The following ITGB1 variants were observed in gnomAD, a reference collection of about 807,000 sequenced individuals.
ITGB1 encodes integrin beta-1.
In ITGB1, 24 loss-of-function variants were observed where a neutral mutation model predicts 86.5. The observed-to-expected ratio is 0.28, with a 90% confidence interval of 0.20 to 0.39. The LOEUF (loss-of-function observed/expected upper bound fraction) is 0.39, where lower values mean the gene tolerates loss of function less well. ITGB1 is among the 10% of genes least tolerant of loss of function. ITGB1 has a pLI of 1.00. For missense variants in ITGB1, 556 were observed against 946.9 expected (o/e 0.59, Z 5.42); for synonymous variants, 323 against 316.8 (o/e 1.02, Z -0.21).
At chr10:32,903,618 C>T (rs2094888451) in intron 15 of ITGB1, among the ~76,000 whole-genome samples, 1 of 152,144 alleles carries the variant, frequency 6.6e-6, no homozygotes, top group Admixed American at 6.5e-5. Flanking sequence ...TCACTCCCCT[C>T]TCCTCAAAAT....
intron 5 of ITGB1, among the ~76,000 whole-genome samples, chr10:32,927,552 G>A (rs2094968880): frequency 6.6e-6 from 1 of 152,210 alleles, no homozygotes; most frequent in Non-Finnish European, 1.5e-5. Context: ...AATACTCTGG[G>A]AGGCCAAGGC....
chr10:32,942,118 C>A (rs993517392), intron 1 of ITGB1, among the ~76,000 whole-genome samples: 5 of 151,974 alleles, frequency 3.3e-5, no homozygotes, highest in Non-Finnish European at 4.4e-5. Context: ...GGTGAAGACA[C>A]AGGAAAAGAG....
chr10:32,920,686 G>C (rs1473825980), intron 9 of ITGB1, among the ~76,000 whole-genome samples: 1 of 151,888 alleles, frequency 6.6e-6, no homozygotes, highest in East Asian at 1.9e-4. Flanking sequence ...TAAAAATGTG[G>C]AATAGGCCGG....
At chr10:32,919,802 T>G in intron 11 of ITGB1, 83 bp downstream of exon 11, 1 of 1,202,140 alleles carries the variant, frequency 8.3e-7, no homozygotes, top group Non-Finnish European at 1.2e-6. Context: ...TAGAGAGATA[T>G]TCTCTGGATG....
chr10:32,953,545 C>T (rs200939523), intron 1 of ITGB1: 1 of 144,512 alleles, frequency 6.9e-6, no homozygotes, highest in African/African-American at 2.6e-5. Flanking sequence ...TCTGGTGATA[C>T]AAAAAAAAAA....
intron 5 of ITGB1, among the ~76,000 whole-genome samples, chr10:32,927,735 AG>A (rs2094969910): frequency 1.3e-5 from 2 of 151,942 alleles, no homozygotes; most frequent in South Asian, 4.2e-4. Context: ...CGGAGGTTGC[AG>A]TGAGCCGAGA....
chr10:32,912,166 T>C, intron 11 of ITGB1, 42 bp from the exon 12 acceptor site: 1 of 1,544,206 alleles, frequency 6.5e-7, no homozygotes, highest in Non-Finnish European at 8.9e-7. Context: ...AAAACAAAAA[T>C]AATTTAAGAG....
At chr10:32,956,412 T>C (rs1742958) in intron 1 of ITGB1, among the ~76,000 whole-genome samples, 2 of 150,476 alleles carry the variant, frequency 1.3e-5, no homozygotes, top group Admixed American at 6.6e-5. Context: ...AAAAAAAAAA[T>C]AAAAAAACCT....
Position 32,922,742 on chromosome 10 carries a change from A to ATGGCTCATTGTGTACAT in ITGB1, c.943-8_943-7insATGTACACAATGAGCCA. ...GAGCAATAGAAGGATAATCCTAAGA[A>ATGGCTCATTGTGTACAT]ATCAAGTAATATAATTTAGTATTTA... On this transcript the variant is annotated splice_region_variant and splice_polypyrimidine_tract_variant and intron_variant, in intron 7 of 15. Transcript: ENST00000302278. 1 of 1,471,884 alleles carries ATGGCTCATTGTGTACAT rather than the reference A, an allele frequency of 6.8e-7. No homozygotes were observed. Among genetic ancestry groups the ATGGCTCATTGTGTACAT allele is most frequent in the Admixed American group, 1.7e-5 (1 of 57,380 alleles). 91.2% of individuals were successfully genotyped at this position (1,471,884 alleles called of 1,614,324 possible).
At chr10:32,949,588 T>C (rs2095038818) in intron 1 of ITGB1, among the ~76,000 whole-genome samples, 1 of 152,184 alleles carries the variant, frequency 6.6e-6, no homozygotes, top group Non-Finnish European at 1.5e-5. Context: ...TTTTACCATA[T>C]GAAATTTTAT....
At chr10:32,918,980 T>C (rs1043239291) in intron 11 of ITGB1, among the ~76,000 whole-genome samples, 1 of 152,210 alleles carries the variant, frequency 6.6e-6, no homozygotes, top group Non-Finnish European at 1.5e-5. Context: ...ATTCTGTATC[T>C]GGTAAAAATA....
Position 32,958,220 on chromosome 10 carries a change from C to T in ITGB1, c.-76G>A, listed in dbSNP as rs1384361907. 2 of 151,998 alleles carry T rather than the reference C, an allele frequency of 1.3e-5. No individual in the cohort carries two copies. Among genetic ancestry groups the T allele is most frequent in the African/African-American group, 4.8e-5 (2 of 41,342 alleles). 9.4% of individuals were successfully genotyped at this position (151,998 alleles called of 1,614,324 possible). The stretch of plus-strand genomic sequence containing the variant: ...TCCGCGACTCCCGCTGGGCCTCTCC[C>T]GCGGGCTGGCGGGGCCTCCCGGGTG... On this transcript the variant is annotated 5_prime_UTR_variant, in exon 1 of 16. Coordinates refer to ENST00000302278, the MANE Select transcript of ITGB1 (RefSeq NM_002211.4).
chr10:32,914,880 C>T (rs1347156340), intron 11 of ITGB1, among the ~76,000 whole-genome samples: 1 of 152,116 alleles, frequency 6.6e-6, no homozygotes, highest in Non-Finnish European at 1.5e-5. Flanking sequence ...CAGCCCCACA[C>T]CGCACTTATT....
Position 32,908,397 on chromosome 10 carries a change from T to G in ITGB1, c.2302A>C (p.Lys768Gln), listed in dbSNP as rs1329951445. 6.2e-7 allele frequency: 1 copy of G among 1,614,092 alleles called. No homozygotes were observed. Among genetic ancestry groups the G allele is most frequent in the South Asian group, 1.1e-5 (1 of 91,084 alleles). ...HDRREFAKFEKEKMNAKWDTG... is the reference protein window; with the variant it reads ...HDRREFAKFEQEKMNAKWDTG... The stretch of plus-strand genomic sequence containing the variant: ...TCCCATTTGGCATTCATTTTCTCCT[T>G]TTCAAATTTAGCAAACTCCCTTCTG... The change falls in exon 15 of 16, where the codon AAG (lysine) becomes CAG (glutamine). Residue 768 changes from lysine to glutamine, a missense_variant. Lys to Gln is a moderately conservative substitution (Grantham distance 53, BLOSUM62 1). Around this residue, in one of 4 missense-constraint regions of ITGB1, gnomAD observed 18 missense variants for 75.2 expected, o/e 0.24. Coordinates refer to ENST00000302278, the MANE Select transcript of ITGB1 (RefSeq NM_002211.4).
chr10:32,929,986 T>A lies in ITGB1; in HGVS notation c.212A>T (p.Lys71Ile), dbSNP rs41276074. 49 of 1,087,838 alleles carry A rather than the reference T, an allele frequency of 4.5e-5. No individual in the cohort carries two copies. Among genetic ancestry groups the A allele is most frequent in the Non-Finnish European group, 6.6e-5 (46 of 698,386 alleles). 67.4% of individuals were successfully genotyped at this position (1,087,838 alleles called of 1,614,324 possible). A position where few individuals can be genotyped will look rare whatever the true frequency, so the allele number is the denominator to read the frequency against. ...GTCATCTGGAGGGCAACCCTTCTTT[T>A]TTAAGGCTTCTAAATCATCACATCG... ...SARCDDLEAL[K>I]KKGCPPDDIE... Residue 71 changes from lysine to isoleucine, a missense_variant, in exon 4 of 16, where the codon AAA (lysine) becomes ATA (isoleucine). Physicochemically the swap from Lys to Ile is moderately radical, Grantham distance 102. Coordinates refer to ENST00000302278, the MANE Select transcript of ITGB1 (RefSeq NM_002211.4).
intron 15 of ITGB1, among the ~76,000 whole-genome samples, chr10:32,905,699 A>C (rs1031129346): frequency 2.6e-5 from 4 of 152,258 alleles, no homozygotes; most frequent in African/African-American, 9.6e-5. Flanking sequence ...TATGTAAAAC[A>C]TTCCTACAAC....
intron 14 of ITGB1, 67 bp from the exon 15 acceptor site, chr10:32,908,601 G>A: frequency 1.5e-6 from 2 of 1,367,514 alleles, no homozygotes; most frequent in South Asian, 2.5e-5. Flanking sequence ...AAAACATACA[G>A]GAATAAACAC....
chr10:32,931,066 C>T (rs539156937), intron 3 of ITGB1, among the ~76,000 whole-genome samples: 2 of 151,998 alleles, frequency 1.3e-5, no homozygotes, highest in Non-Finnish European at 2.9e-5. Flanking sequence ...ATAGTTTTTA[C>T]ATAAGATTTT....
At chr10:32,952,812 C>T (rs1037068659) in intron 1 of ITGB1, among the ~76,000 whole-genome samples, 1 of 152,166 alleles carries the variant, frequency 6.6e-6, no homozygotes, top group African/African-American at 2.4e-5. Flanking sequence ...ACTACTCCTT[C>T]TCTGTGGTTC....
Sources: allele counts gnomAD v4.1 joint callset (sites outside exome capture counted in the v4.1 genomes callset), GRCh38; gene constraint gnomAD v4.1.1; regional missense constraint gnomAD v4.1.1; transcripts MANE v1.5; gene names NCBI Gene and HGNC (gene_info 2026-07-23, HGNC 2026-07-21).